SCN8A: variants seen among roughly 807,000 people sequenced by gnomAD.
SCN8A encodes the protein sodium channel protein type 8 subunit alpha.
Under a neutral mutation model 184.1 loss-of-function variants are expected in SCN8A, and 30 were observed. The observed-to-expected ratio is 0.16, with a 90% confidence interval of 0.12 to 0.22. The LOEUF is 0.22. Among genes scored for constraint, SCN8A ranks in the 10% least tolerant of loss-of-function variants. The pLI, the probability that SCN8A is intolerant of heterozygous loss-of-function variation, is 1.00. For synonymous variants in SCN8A, 852 were observed against 907.0 expected, an observed-to-expected ratio of 0.94 and a Z score of 1.09; for missense variants, 1,057 against 2,498.9, an observed-to-expected ratio of 0.42 and a Z score of 12.30.
At chr12:51,595,258 C>G (rs529313463) in intron 1 of SCN8A, among the ~76,000 whole-genome samples, 3 of 152,062 alleles carry the variant, frequency 2.0e-5, no homozygotes, top group African/African-American at 7.3e-5. Flanking sequence ...TTATTAATTG[C>G]GGAAATGTAT....
intron 1 of SCN8A, among the ~76,000 whole-genome samples, chr12:51,605,609 C>G (rs910417852): frequency 6.6e-6 from 1 of 152,178 alleles, no homozygotes; most frequent in Non-Finnish European, 1.5e-5. Flanking sequence ...GGTGGATACC[C>G]AGTAGTGGGA....
chr12:51,737,274 A>G (rs1326475477), intron 12 of SCN8A, among the ~76,000 whole-genome samples: 1 of 152,190 alleles, frequency 6.6e-6, no homozygotes, highest in Non-Finnish European at 1.5e-5. Context: ...AGAAAAAGCC[A>G]CTCTACTAAG....
chr12:51,655,371 CTT>C (rs35700645), intron 1 of SCN8A, among the ~76,000 whole-genome samples: 39 of 142,028 alleles, frequency 2.7e-4, no homozygotes, highest in East Asian at 8.3e-4. Flanking sequence ...ATTTTAAGGT[CTT>C]TTTTTTTTTT....
rs542949534 is a variant in SCN8A, at chr12:51,653,409, A to G, written c.-54-9355A>G. 7.9e-5 allele frequency among the ~76,000 whole-genome samples: 12 copies of G among 152,300 alleles called. No individual in the cohort carries two copies. The East Asian group carries it at 1.3e-3, about 17-fold the overall frequency. Reference sequence around the variant, plus strand: ...CATTTGACTATTTTTGGTACCTCATATAAGTGGAATCATACAATATTTGTC... The same window carrying G: ...CATTTGACTATTTTTGGTACCTCATGTAAGTGGAATCATACAATATTTGTC... On this transcript the variant is annotated intron_variant, in intron 1 of 26. Coordinates refer to ENST00000627620, the MANE Select transcript of SCN8A (RefSeq NM_001330260.2).
intron 13 of SCN8A, among the ~76,000 whole-genome samples, chr12:51,746,712 C>T (rs1376415035): frequency 1.3e-5 from 2 of 152,184 alleles, no homozygotes; most frequent in African/African-American, 4.8e-5. Flanking sequence ...TGTGACACAA[C>T]CTGGCGTGCT....
chr12:51,614,945 G>A (rs530825297), intron 1 of SCN8A, among the ~76,000 whole-genome samples: 2 of 152,064 alleles, frequency 1.3e-5, no homozygotes, highest in Admixed American at 6.6e-5. Context: ...TGTTGTACAG[G>A]AGATCTCCAG....
chr12:51,671,836 C>T (rs947925106), intron 2 of SCN8A, among the ~76,000 whole-genome samples: 1 of 152,188 alleles, frequency 6.6e-6, no homozygotes, highest in African/African-American at 2.4e-5. Context: ...TCTGCTAACT[C>T]TGATTTTACC....
intron 1 of SCN8A, among the ~76,000 whole-genome samples, chr12:51,618,393 T>C (rs1473927327): frequency 1.3e-5 from 2 of 151,952 alleles, no homozygotes; most frequent in African/African-American, 4.8e-5. Context: ...TTTTTCTGTC[T>C]GTGCTTGGGG....
At chr12:51,665,545 G>T (rs1941016744) in intron 2 of SCN8A, among the ~76,000 whole-genome samples, 1 of 152,118 alleles carries the variant, frequency 6.6e-6, no homozygotes, top group African/African-American at 2.4e-5. Flanking sequence ...TATGTTCATT[G>T]TACTTTTAAA....
chr12:51,705,705 C>A, intron 10 of SCN8A, 82 bp downstream of exon 10: 2 of 1,223,570 alleles, frequency 1.6e-6, no homozygotes, highest in Non-Finnish European at 2.3e-6. Context: ...TGCAGTTGAT[C>A]TTTTCTAGGC....
At position 51,639,291 on chromosome 12, in the gene SCN8A, TCTC is replaced by T. The variant is rs1449142561; in HGVS notation, c.-54-23467_-54-23465del. Among the ~76,000 whole-genome samples, 14 of 152,354 alleles carry T rather than the reference TCTC, an allele frequency of 9.2e-5. No individual in the cohort carries two copies. In the East Asian group the frequency reaches 2.7e-3, roughly 29 times the overall value. ...CTGAAAGTCGTTTCCTGAGATGGAA[TCTC>T]CTCCTGGTGAAGATGCTGTGAGGAT... On this transcript the variant is annotated intron_variant, in intron 1 of 26. Coordinates refer to ENST00000627620, the MANE Select transcript of SCN8A (RefSeq NM_001330260.2).
rs114570996 is a variant in SCN8A at position 51,595,818 on chromosome 12, G to A, written c.-55+4459G>A. 2.7e-3 allele frequency among the ~76,000 whole-genome samples: 416 copies of A among 152,310 alleles called. 1 individual carries two copies. Among genetic ancestry groups the A allele is most frequent in the African/African-American group, 9.5e-3 (394 of 41,568 alleles). ...GTATTGAATTTCAGTAGTCTGAAAA[G>A]CAGACGGATGCTTTATCTTCAGTCT... On this transcript the variant is annotated intron_variant, in intron 1 of 26. Transcript: ENST00000627620.
intron 11 of SCN8A, among the ~76,000 whole-genome samples, chr12:51,715,875 G>A (rs1020279361): frequency 1.3e-5 from 2 of 152,118 alleles, no homozygotes; most frequent in African/African-American, 4.8e-5. Context: ...GGGTGGCTAA[G>A]CTGCAGTACC....
At chr12:51,738,424 G>A (rs887660728) in intron 12 of SCN8A, among the ~76,000 whole-genome samples, 3 of 152,178 alleles carry the variant, frequency 2.0e-5, no homozygotes, top group South Asian at 2.1e-4. Flanking sequence ...AATTGGCCAC[G>A]TGGACAGCCA....
rs573792668 is a variant in SCN8A, at chr12:51,597,670, GTTC to G, written c.-55+6316_-55+6318del. 3.1e-3 allele frequency among the ~76,000 whole-genome samples: 479 copies of G among 152,214 alleles called. 4 individuals carry two copies. The highest frequency in any genetic ancestry group is 0.011 in the African/African-American group (453 of 41,532). The stretch of plus-strand genomic sequence containing the variant: ...TGAAAAAACACCTCATATTTAATCT[GTTC>G]TTCTCTCCTTATTTTAATAGTATAG... On this transcript the variant is annotated intron_variant, in intron 1 of 26. Coordinates refer to ENST00000627620, the MANE Select transcript of SCN8A (RefSeq NM_001330260.2).
At chr12:51,610,982 A>G (rs1314793774) in intron 1 of SCN8A, among the ~76,000 whole-genome samples, 1 of 152,192 alleles carries the variant, frequency 6.6e-6, no homozygotes, top group Non-Finnish European at 1.5e-5. Flanking sequence ...GTCAGCTTTT[A>G]TATCTGCAAA....
chr12:51,718,049 A>G (rs554597328), intron 11 of SCN8A, among the ~76,000 whole-genome samples: 39 of 152,304 alleles, frequency 2.6e-4, no homozygotes, highest in African/African-American at 8.9e-4. Flanking sequence ...AAATATACCA[A>G]TCTGGGGACA....
intron 1 of SCN8A, among the ~76,000 whole-genome samples, chr12:51,644,648 G>A (rs1315960522): frequency 6.6e-6 from 1 of 152,148 alleles, no homozygotes; most frequent in Middle Eastern, 3.4e-3. Context: ...GCCTCTGCCC[G>A]GCCGCCACCC....
At chr12:51,635,870 C>T (rs887739895) in intron 1 of SCN8A, among the ~76,000 whole-genome samples, 8 of 152,050 alleles carry the variant, frequency 5.3e-5, no homozygotes, top group African/African-American at 7.2e-5. Context: ...TTTTAACATA[C>T]GTATAGAAAA....
Sources: allele counts gnomAD v4.1 joint callset (sites outside exome capture counted in the v4.1 genomes callset), GRCh38; gene constraint gnomAD v4.1.1; transcripts MANE v1.5; gene names NCBI Gene and HGNC (gene_info 2026-07-23, HGNC 2026-07-21).